The following EYS variants were observed in gnomAD, a reference collection of about 807,000 sequenced individuals.
The protein encoded by EYS is EGF-like photoreceptor maintenance factor.
EYS carries 250 observed loss-of-function variants against 282.1 expected under a neutral mutation model. The ratio of observed to expected loss-of-function variants is 0.89; its 90% CI spans 0.80 to 0.98. The LOEUF is 0.98. Ranked by LOEUF, EYS falls within the 50% of genes least tolerant of loss-of-function variation. EYS has a pLI of 0.00. For missense variants in EYS, 4,016 were observed against 3,709.0 expected (o/e 1.08, Z -2.15); for synonymous variants, 1,355 against 1,282.9 (o/e 1.06, Z -1.20).
intron 22 of EYS, among the ~76,000 whole-genome samples, chr6:64,661,182 A>G (rs1490469199): frequency 1.3e-5 from 2 of 152,186 alleles, no homozygotes; most frequent in Non-Finnish European, 2.9e-5. Flanking sequence ...CTGGCTAGCC[A>G]TATGTAGAAA....
At chr6:64,117,130 A>T (rs183591372) in intron 31 of EYS, among the ~76,000 whole-genome samples, 1 of 152,064 alleles carries the variant, frequency 6.6e-6, no homozygotes, top group African/African-American at 2.4e-5. Flanking sequence ...TTCCTCAAGC[A>T]CATGCAGAAC....
rs1339033188 is a variant in EYS at position 64,666,879 on chromosome 6, C to T, written c.3444-40634G>A. Among the ~76,000 whole-genome samples the T allele has an allele frequency of 2.0e-5, 3 of 152,248 alleles. No individual in the cohort carries two copies. In the East Asian group the frequency reaches 5.8e-4, roughly 29 times the overall value. The stretch of plus-strand genomic sequence containing the variant: ...TTATTTCATCCTCATCAGTCGACTC[C>T]TTTGAGAGTGTTTGAAATATTTCTC... On this transcript the variant is annotated intron_variant, in intron 22 of 42. Transcript: ENST00000503581.
chr6:65,021,090 C>T (rs940111314), intron 13 of EYS, among the ~76,000 whole-genome samples: 1 of 152,170 alleles, frequency 6.6e-6, no homozygotes, highest in Non-Finnish European at 1.5e-5. Context: ...GTCCTAGAGA[C>T]ACTTTCCCCA....
At chr6:64,930,067 C>A (rs185577608) in intron 15 of EYS, among the ~76,000 whole-genome samples, 2 of 152,098 alleles carry the variant, frequency 1.3e-5, no homozygotes, top group Non-Finnish European at 2.9e-5. Flanking sequence ...TTTACTGAAT[C>A]TGTCCAAAAG....
intron 1 of EYS, among the ~76,000 whole-genome samples, chr6:65,655,379 G>C (rs1767784994): frequency 6.6e-6 from 1 of 151,640 alleles, no homozygotes; most frequent in East Asian, 1.9e-4. Flanking sequence ...CTGCTTTAGT[G>C]AGTTAATCAA....
At chr6:65,635,253 T>A (rs1767044747) in intron 2 of EYS, among the ~76,000 whole-genome samples, 2 of 151,998 alleles carry the variant, frequency 1.3e-5, no homozygotes, top group African/African-American at 4.8e-5. Context: ...GAAGCTAGAG[T>A]GACCATCAGC....
At chr6:65,640,376 G>T (rs1767234691) in intron 1 of EYS, among the ~76,000 whole-genome samples, 1 of 151,926 alleles carries the variant, frequency 6.6e-6, no homozygotes, top group South Asian at 2.1e-4. Flanking sequence ...TTTCATGAGA[G>T]TATCTCTAAA....
chr6:64,003,198 A>G lies in EYS; in HGVS notation c.6726-4015T>C, dbSNP rs182673629. Among the ~76,000 whole-genome samples, 6 of 152,324 alleles carry G rather than the reference A, an allele frequency of 3.9e-5. No individual in the cohort carries two copies. In the East Asian group the frequency reaches 1.2e-3, roughly 29 times the overall value. Reference sequence around the variant, plus strand: ...TGGAGGTCATTATGTTAAGTAAAATAAACCAGGCATAGAAAGACAAACTTT... The same window carrying G: ...TGGAGGTCATTATGTTAAGTAAAATGAACCAGGCATAGAAAGACAAACTTT... On this transcript the variant is annotated intron_variant, in intron 33 of 42. Transcript: ENST00000503581.
At chr6:64,466,948 A>G (rs1460622007) in intron 26 of EYS, among the ~76,000 whole-genome samples, 1 of 152,194 alleles carries the variant, frequency 6.6e-6, no homozygotes, top group Non-Finnish European at 1.5e-5. Flanking sequence ...AAAGGAAAGA[A>G]AAGTCAGAAA....
rs542486130 is a variant in EYS, at chr6:64,617,020, A to G, written c.3684+398T>C. On this transcript the variant is annotated intron_variant, in intron 24 of 42. Coordinates refer to ENST00000503581, the MANE Select transcript of EYS (RefSeq NM_001142800.2). ...GGAAGCAGATCCGTCCTCCTCGGAC[A>G]TACAATATGCTGAGCCCAACCCTGG... 3.7e-4 allele frequency among the ~76,000 whole-genome samples: 56 copies of G among 152,264 alleles called. 1 individual carries two copies. The highest frequency in any genetic ancestry group is 1.3e-3 in the African/African-American group (54 of 41,556).
At chr6:65,565,288 G>A in intron 2 of EYS, among the ~76,000 whole-genome samples, 1 of 122,806 alleles carries the variant, frequency 8.1e-6, no homozygotes. Context: ...GTGGGTGAAG[G>A]ATATGAACAG....
At chr6:64,141,970 A>G (rs900232838) in intron 31 of EYS, among the ~76,000 whole-genome samples, 2 of 152,164 alleles carry the variant, frequency 1.3e-5, no homozygotes, top group Admixed American at 6.5e-5. Flanking sequence ...CAGTGAAACT[A>G]CCAACCAAAG....
intron 8 of EYS, among the ~76,000 whole-genome samples, chr6:65,380,005 G>A (rs1160258196): frequency 6.6e-6 from 1 of 151,970 alleles, no homozygotes; most frequent in Non-Finnish European, 1.5e-5. Flanking sequence ...CCATGCTCAT[G>A]GACAGGAAAA....
chr6:64,370,820 A>G (rs1384698932), intron 29 of EYS, among the ~76,000 whole-genome samples: 1 of 152,096 alleles, frequency 6.6e-6, no homozygotes, highest in Non-Finnish European at 1.5e-5. Flanking sequence ...AAGTGTTCAT[A>G]ATAGTCTCTG....
intron 26 of EYS, among the ~76,000 whole-genome samples, chr6:64,507,972 G>A (rs932315358): frequency 5.3e-5 from 8 of 152,158 alleles, no homozygotes; most frequent in Non-Finnish European, 7.3e-5. Context: ...GTTCCTGAGT[G>A]GAACGACAAG....
intron 36 of EYS, among the ~76,000 whole-genome samples, chr6:63,863,040 A>G (rs1430638050): frequency 6.6e-6 from 1 of 152,170 alleles, no homozygotes; most frequent in Non-Finnish European, 1.5e-5. Context: ...CAGCTTTTTC[A>G]TGTCATCACA....
In EYS at chr6:63,721,409, A is replaced by C; in HGVS notation, c.8622T>G (p.Cys2874Trp). The change falls in exon 43 of 43, where the codon TGT becomes TGG. Residue 2874 changes from cysteine (C) to tryptophan (W), a missense_variant. By Grantham distance (215) the Cys-to-Trp change is radical. Coordinates refer to ENST00000503581, the MANE Select transcript of EYS (RefSeq NM_001142800.2). ...GAKGGSNVGDCDGTACGYNTC... is the reference protein window; with the variant it reads ...GAKGGSNVGDWDGTACGYNTC... ...TGTTGTACCCACAGGCTGTCCCATC[A>C]CAGTCACCTACATTTGAGCCACCTT... is the stretch of plus-strand genomic sequence containing the variant. 6.4e-7 allele frequency: 1 copy of C among 1,551,726 alleles called. No individual in the cohort carries two copies. The highest frequency in any genetic ancestry group is 8.7e-7 in the Non-Finnish European group (1 of 1,146,946).
At chr6:65,013,917 C>A (rs917124358) in intron 13 of EYS, among the ~76,000 whole-genome samples, 3 of 152,050 alleles carry the variant, frequency 2.0e-5, no homozygotes, top group Admixed American at 1.3e-4. Context: ...AATGTCACTC[C>A]GTAATTGTTT....
At chr6:64,687,883 T>G (rs893438836) in intron 22 of EYS, among the ~76,000 whole-genome samples, 1 of 152,194 alleles carries the variant, frequency 6.6e-6, no homozygotes, top group African/African-American at 2.4e-5. Context: ...CTCTTAATTA[T>G]TGCCTCAATT....
Sources: allele counts gnomAD v4.1 joint callset (sites outside exome capture counted in the v4.1 genomes callset), GRCh38; gene constraint gnomAD v4.1.1; transcripts MANE v1.5; gene names NCBI Gene and HGNC (gene_info 2026-07-23, HGNC 2026-07-21).